The following STPG2 variants were observed in gnomAD, a reference collection of about 807,000 sequenced individuals.
The protein encoded by STPG2 is sperm tail PG-rich repeat containing 2.
Under a neutral mutation model 54.2 loss-of-function variants are expected in STPG2, and 56 were observed. That is an observed-to-expected ratio of 1.03 (90% CI 0.83 to 1.29). The LOEUF (loss-of-function observed/expected upper bound fraction) is 1.29, where lower values mean the gene tolerates loss of function less well. Among genes scored for constraint, STPG2 ranks in the 50% most tolerant of loss-of-function variants. The pLI is 0.00. For synonymous variants in STPG2, 200 were observed against 181.8 expected, an observed-to-expected ratio of 1.10 and a Z score of -0.81; for missense variants, 596 against 544.9, an observed-to-expected ratio of 1.09 and a Z score of -0.93.
intron 4 of STPG2, among the ~76,000 whole-genome samples, chr4:97,521,939 G>A (rs1813911): frequency 0.6 from 91,281 of 151,564 alleles, 27,944 homozygotes; most frequent in African/African-American, 0.71. Context: ...GCAAGATACT[G>A]TCTCTTAAAA....
chr4:97,997,084 T>C (rs1250000733), intron 5 of STPG2, among the ~76,000 whole-genome samples: 4 of 152,200 alleles, frequency 2.6e-5, no homozygotes, highest in East Asian at 3.8e-4. Flanking sequence ...AATCCCATTA[T>C]TGGGTATCTA....
intron 9 of STPG2, among the ~76,000 whole-genome samples, chr4:97,729,617 T>C (rs1724735859): frequency 6.6e-6 from 1 of 152,140 alleles, no homozygotes; most frequent in Non-Finnish European, 1.5e-5. Context: ...TTTGAAACTG[T>C]ACAAGGTGAG....
intron 3 of STPG2, among the ~76,000 whole-genome samples, chr4:98,120,789 T>C (rs1407082935): frequency 2.0e-5 from 3 of 152,200 alleles, no homozygotes; most frequent in Non-Finnish European, 2.9e-5. Context: ...AAGTTCCCTA[T>C]AGACTTTGGA....
chr4:97,703,794 A>ATG (rs111993291), intron 10 of STPG2, among the ~76,000 whole-genome samples: 2,852 of 144,468 alleles, frequency 0.02, 28 homozygotes, highest in African/African-American at 0.027. Flanking sequence ...GTGTATATAT[A>ATG]TGTGTGTGTG....
intron 9 of STPG2, among the ~76,000 whole-genome samples, chr4:97,807,826 A>C (rs1727618683): frequency 6.6e-6 from 1 of 152,026 alleles, no homozygotes; most frequent in East Asian, 1.9e-4. Context: ...GATACAAAAA[A>C]CAAAAATAGC....
At chr4:98,112,019 A>T (rs1280363417) in intron 3 of STPG2, among the ~76,000 whole-genome samples, 13 of 151,908 alleles carry the variant, frequency 8.6e-5, no homozygotes, top group African/African-American at 2.7e-4. Context: ...TTCAGACTTG[A>T]ACTCAGCTAC....
intron 8 of STPG2, among the ~76,000 whole-genome samples, chr4:97,844,345 C>T (rs1401643600): frequency 3.3e-5 from 5 of 151,974 alleles, no homozygotes; most frequent in Non-Finnish European, 7.4e-5. Context: ...AGATTGACCT[C>T]AAGTTTTAGT....
At chr4:97,828,265 T>A (rs183280598) in intron 9 of STPG2, among the ~76,000 whole-genome samples, 2 of 152,202 alleles carry the variant, frequency 1.3e-5, no homozygotes, top group East Asian at 3.9e-4. Flanking sequence ...GGGCATCGCC[T>A]CACCCAGGAA....
Position 97,972,273 on chromosome 4 carries a change from G to T in STPG2, c.933+7C>A. On this transcript the variant is annotated splice_region_variant and intron_variant, in intron 7 of 10. Coordinates refer to ENST00000295268, the MANE Select transcript of STPG2 (RefSeq NM_174952.3). ...TAAAGAATATTATTTTTGTATGAAT[G>T]TATTACCTGATAATCAGCAGGTCCA... 1 of 1,549,310 alleles carries T rather than the reference G, an allele frequency of 6.5e-7. No individual in the cohort carries two copies. The highest frequency in any genetic ancestry group is 8.7e-7 in the Non-Finnish European group (1 of 1,144,062).
At chr4:97,662,821 ACTAT>A (rs1377783820) in intron 10 of STPG2, among the ~76,000 whole-genome samples, 1 of 152,080 alleles carries the variant, frequency 6.6e-6, no homozygotes, top group Non-Finnish European at 1.5e-5. Context: ...GGGTTGAAAA[ACTAT>A]CTATTGGGTA....
At chr4:97,784,913 T>C (rs1391957627) in intron 9 of STPG2, among the ~76,000 whole-genome samples, 42 of 152,136 alleles carry the variant, frequency 2.8e-4, no homozygotes, top group South Asian at 6.2e-4. Flanking sequence ...CTATAATTTC[T>C]GGCAAAATTT....
chr4:98,133,456 A>G (rs1350228784), intron 2 of STPG2, among the ~76,000 whole-genome samples: 1 of 152,016 alleles, frequency 6.6e-6, no homozygotes, highest in East Asian at 1.9e-4. Context: ...TAAGAAATAT[A>G]CCAAGGAGGC....
At chr4:97,983,782 A>G (rs1734748942) in intron 5 of STPG2, among the ~76,000 whole-genome samples, 1 of 152,232 alleles carries the variant, frequency 6.6e-6, no homozygotes, top group African/African-American at 2.4e-5. Context: ...TAGCAGACAG[A>G]GCTAGGACAT....
At chr4:97,500,354 C>T (rs535743579) in intron 4 of STPG2, among the ~76,000 whole-genome samples, 30 of 152,060 alleles carry the variant, frequency 2.0e-4, no homozygotes, top group African/African-American at 6.3e-4. Context: ...ATGGGGAAGA[C>T]TATTAAAGAA....
intron 4 of STPG2, among the ~76,000 whole-genome samples, chr4:97,496,171 T>A (rs1005757157): frequency 2.6e-5 from 4 of 151,734 alleles, no homozygotes; most frequent in African/African-American, 9.7e-5. Context: ...CATCTTAAAA[T>A]AACCTATTTA....
chr4:97,809,616 G>C (rs1433282930), intron 9 of STPG2, among the ~76,000 whole-genome samples: 2 of 152,142 alleles, frequency 1.3e-5, no homozygotes, highest in African/African-American at 2.4e-5. Context: ...AATGTAAACA[G>C]CATTTATGAG....
chr4:97,882,555 C>G (rs1730416663), intron 8 of STPG2, among the ~76,000 whole-genome samples: 1 of 152,150 alleles, frequency 6.6e-6, no homozygotes, highest in South Asian at 2.1e-4. Flanking sequence ...AAAGCTATGG[C>G]TAAGCTAGGA....
At chr4:97,871,194 G>A (rs1325343609) in intron 8 of STPG2, among the ~76,000 whole-genome samples, 1 of 150,458 alleles carries the variant, frequency 6.6e-6, no homozygotes, top group Non-Finnish European at 1.5e-5. Flanking sequence ...TCAATTAAAG[G>A]AAATAATAAA....
At chr4:97,734,241 TTTATTTTTTATCACTTAGCTAA>T (rs557022927) in intron 9 of STPG2, among the ~76,000 whole-genome samples, 1,661 of 152,340 alleles carry the variant, frequency 0.011, 15 homozygotes, top group Middle Eastern at 0.017. Flanking sequence ...TCTCATAGGC[TTTATTTTTTATCACTTAGCTAA>T]TTATTTTTTA....
Sources: allele counts gnomAD v4.1 joint callset (sites outside exome capture counted in the v4.1 genomes callset), GRCh38; gene constraint gnomAD v4.1.1; transcripts MANE v1.5; gene names NCBI Gene and HGNC (gene_info 2026-07-23, HGNC 2026-07-21).